The following NSD2 variants were observed in gnomAD, a reference collection of about 807,000 sequenced individuals.
NSD2 encodes histone-lysine N-methyltransferase NSD2.
In NSD2, 12 loss-of-function variants were observed where a neutral mutation model predicts 139.0. The ratio of observed to expected loss-of-function variants is 0.09; its 90% CI spans 0.06 to 0.14. NSD2 has a LOEUF of 0.14. Ranked by LOEUF, NSD2 falls within the 10% of genes least tolerant of loss-of-function variation. NSD2 has a pLI of 1.00. For missense variants in NSD2, 1,155 were observed against 1,745.0 expected, an observed-to-expected ratio of 0.66 and a Z score of 6.02; for synonymous variants, 669 against 648.7, an observed-to-expected ratio of 1.03 and a Z score of -0.48.
chr4:1,976,856 C>T lies in NSD2; in HGVS notation c.3826+177C>T, dbSNP rs578109498. On this transcript the variant is annotated intron_variant, in intron 21 of 21. Coordinates refer to ENST00000508803, the MANE Select transcript of NSD2 (RefSeq NM_001042424.3). The surrounding 1 kb of genome is among the most constrained non-coding windows in gnomAD (Gnocchi z 5.3). ...GCCTTTCTTTGTTCCACCAGCCGCA[C>T]ATTCTAGATCTCTGCATCGAGCAGA... is the stretch of plus-strand genomic sequence containing the variant. 3.3e-5 allele frequency among the ~76,000 whole-genome samples: 5 copies of T among 152,366 alleles called. No homozygotes were observed. Among genetic ancestry groups the T allele is most frequent in the Admixed American group, 2.6e-4 (4 of 15,308 alleles).
At chr4:1,936,042 G>A (rs1722350481) in intron 7 of NSD2, among the ~76,000 whole-genome samples, 2 of 152,220 alleles carry the variant, frequency 1.3e-5, no homozygotes, top group Admixed American at 1.3e-4. Context: ...AGTAATTCAT[G>A]TTATTGTTTA....
At chr4:1,953,617 C>A in intron 12 of NSD2, 93 bp downstream of exon 12, 1 of 1,432,068 alleles carries the variant, frequency 7.0e-7, no homozygotes, top group South Asian at 1.4e-5. Context: ...TTGGGATTGT[C>A]ACCAAAGAGC....
chr4:1,891,239 A>G (rs1224780055), intron 1 of NSD2, among the ~76,000 whole-genome samples: 1 of 152,226 alleles, frequency 6.6e-6, no homozygotes, highest in African/African-American at 2.4e-5. Flanking sequence ...ACCATCATTC[A>G]GTGATAGCAG....
intron 9 of NSD2, chr4:1,945,537 G>A: frequency 9.4e-7 from 1 of 1,064,886 alleles, no homozygotes; most frequent in Non-Finnish European, 1.1e-6. Flanking sequence ...AAATTAAGAT[G>A]ATAAGAAAGT....
chr4:1,945,149 G>A, intron 9 of NSD2: 3 of 1,065,732 alleles, frequency 2.8e-6, no homozygotes, highest in Non-Finnish European at 3.4e-6. Context: ...ATCTGATTTT[G>A]TGTTTTTTGT....
intron 18 of NSD2, among the ~76,000 whole-genome samples, chr4:1,970,252 A>G (rs1726316943): frequency 6.6e-6 from 1 of 152,240 alleles, no homozygotes; most frequent in African/African-American, 2.4e-5. Flanking sequence ...AATTGCTTCT[A>G]AGGGGAGAAA....
At chr4:1,950,780 G>A (rs1724133870) in intron 9 of NSD2, among the ~76,000 whole-genome samples, 1 of 152,210 alleles carries the variant, frequency 6.6e-6, no homozygotes, top group African/African-American at 2.4e-5. Flanking sequence ...CAAATTGGAT[G>A]TTCATAACAC....
intron 5 of NSD2, among the ~76,000 whole-genome samples, chr4:1,922,312 T>C (rs1250096948): frequency 1.3e-5 from 2 of 152,164 alleles, no homozygotes; most frequent in East Asian, 1.9e-4. Context: ...GGAAATGTAA[T>C]GTTAAAAAAG....
chr4:1,957,850 G>C lies in NSD2; in HGVS notation c.2882-83G>C, dbSNP rs2108965587. 3 of 1,277,416 alleles carry C rather than the reference G, an allele frequency of 2.3e-6. No homozygotes were observed. The South Asian group carries it at 4.1e-5, about 17-fold the overall frequency. The allele number at this position is 1,277,416 out of a possible 1,614,324, so 79.1% of individuals were successfully genotyped here. ...AACTATACTTAACATTGAAAGTTTAGAGTGAACTATAAAAATATGGAGCTT... is the reference window on the plus strand; with the variant it reads ...AACTATACTTAACATTGAAAGTTTACAGTGAACTATAAAAATATGGAGCTT... On this transcript the variant is annotated intron_variant, in intron 15 of 21. Transcript: ENST00000508803.
chr4:1,930,604 G>C, intron 5 of NSD2, 22 bp from the exon 6 acceptor site: 1 of 1,581,172 alleles, frequency 6.3e-7, no homozygotes, highest in Non-Finnish European at 8.6e-7. Flanking sequence ...ACTTCTCATT[G>C]CACCTTCTCC....
chr4:1,938,376 TCTTTTTTTTTC>T, intron 7 of NSD2, 64 bp from the exon 8 acceptor site: 1 of 1,227,598 alleles, frequency 8.1e-7, no homozygotes, highest in Non-Finnish European at 1.1e-6. Flanking sequence ...TTGTTCTTTT[TCTTTTTTTTTC>T]CTTTTTTTCT....
intron 9 of NSD2, chr4:1,947,123 A>G (rs1432964569): frequency 9.4e-7 from 1 of 1,065,056 alleles, no homozygotes; most frequent in Non-Finnish European, 1.1e-6. Context: ...TCCTTCGCAG[A>G]CAGTGCACAG....
At chr4:1,941,236 A>C (rs1723059048) in intron 9 of NSD2, 1 of 1,055,856 alleles carries the variant, frequency 9.5e-7, no homozygotes, top group Non-Finnish European at 1.1e-6. Flanking sequence ...TTTTTCACTT[A>C]AGTTGAGATT....
At position 1,959,637 on chromosome 4, in the gene NSD2, T is replaced by A. The variant is rs1213391191; in HGVS notation, c.3152T>A (p.Phe1051Tyr). ...CCGCAGGTGTGTCCCGCGGGCGAGT[T>A]CTGCCAGAACCAGTGCTTCACCAAG... ...CHPQVCPAGE[F>Y]CQNQCFTKRQ... The change falls in exon 17 of 22, where the codon TTC becomes TAC. Residue 1051 changes from phenylalanine to tyrosine, a missense_variant. Around this residue, in one of 8 missense-constraint regions of NSD2, gnomAD observed 139 missense variants for 485.8 expected, o/e 0.29. Coordinates refer to ENST00000508803, the MANE Select transcript of NSD2 (RefSeq NM_001042424.3). The A allele has an allele frequency of 6.2e-7, 1 of 1,614,004 alleles. No individual in the cohort carries two copies. Among genetic ancestry groups the A allele is most frequent in the Non-Finnish European group, 8.5e-7 (1 of 1,180,034 alleles).
intron 17 of NSD2, among the ~76,000 whole-genome samples, chr4:1,960,826 T>A (rs1052988013): frequency 2.0e-5 from 3 of 152,048 alleles, no homozygotes; most frequent in African/African-American, 7.2e-5. Context: ...TCGTGAATAC[T>A]TAATACATTT....
intron 18 of NSD2, among the ~76,000 whole-genome samples, chr4:1,961,950 GA>G (rs1725414838): frequency 6.6e-6 from 1 of 152,242 alleles, no homozygotes; most frequent in South Asian, 2.1e-4. Flanking sequence ...CATCTAGCAG[GA>G]AAGTCTGGCT....
At chr4:1,918,742 T>C (rs890374073) in intron 5 of NSD2, 119 bp downstream of exon 5, 82 of 1,356,044 alleles carry the variant, frequency 6.0e-5, no homozygotes, top group Non-Finnish European at 7.7e-5. Context: ...CTTGCATAGA[T>C]TTTAGATCTA....
At position 1,956,316 on chromosome 4, in the gene NSD2, T is replaced by A; in HGVS notation, c.2881+128T>A. On this transcript the variant is annotated intron_variant, in intron 15 of 21. Coordinates refer to ENST00000508803, the MANE Select transcript of NSD2 (RefSeq NM_001042424.3). This position sits in a 1 kb window ranked among gnomAD's most constrained non-coding sequence, Gnocchi z 5.3. Reference sequence around the variant, plus strand: ...AAGCATTCAATCTGTTTTTTTAAATTAGGAAAATGTTTGCAGTCTGGTTTA... The same window carrying A: ...AAGCATTCAATCTGTTTTTTTAAATAAGGAAAATGTTTGCAGTCTGGTTTA... 2.4e-6 allele frequency: 2 copies of A among 821,442 alleles called. No individual in the cohort carries two copies. Among genetic ancestry groups the A allele is most frequent in the Non-Finnish European group, 3.5e-6 (2 of 566,162 alleles). 50.9% of individuals were successfully genotyped at this position (821,442 alleles called of 1,614,324 possible).
Position 1,939,793 on chromosome 4 carries a change from A to G in NSD2, c.1881+15A>G. The G allele has an allele frequency of 6.2e-7, 1 of 1,614,178 alleles. No homozygotes were observed. ...CTGAGAATGAGGTAAAATAATAATA[A>G]TAACGATAACCATGGCATTGGTATG... On this transcript the variant is annotated intron_variant, in intron 9 of 21. Transcript: ENST00000508803.
Sources: gnomAD v4.1 joint callset for allele counts (sites outside exome capture counted in the v4.1 genomes callset) on GRCh38, gnomAD v4.1.1 for gene constraint, gnomAD v4.1.1 regional missense constraint, Gnocchi (gnomAD v3.1) non-coding constraint, MANE v1.5 for transcripts, NCBI Gene and HGNC (gene_info 2026-07-23, HGNC 2026-07-21) for gene names.